Variants in OR1D2 observed in about 807,000 individuals in gnomAD.
OR1D2 encodes olfactory receptor 1D2.
For missense variants in OR1D2, 357 were observed against 376.1 expected (o/e 0.95, Z 0.42); for synonymous variants, 157 against 153.9 (o/e 1.02, Z -0.15).
intron 1 of OR1D2, 68 bp from the exon 2 acceptor site, chr17:3,093,114 C>A (rs2047826084): frequency 1.1e-6 from 1 of 922,390 alleles, no homozygotes; most frequent in Non-Finnish European, 1.6e-6. Flanking sequence ...TGTCTTACAC[C>A]CAATTTTATA....
intron 1 of OR1D2, among the ~76,000 whole-genome samples, chr17:3,103,250 T>C (rs947778671): frequency 6.6e-5 from 10 of 152,088 alleles, no homozygotes; most frequent in African/African-American, 2.4e-4. Flanking sequence ...TTCTTTTCCT[T>C]TCTTTTTTTT....
In OR1D2 at chr17:3,092,517, G is replaced by C. The variant is rs758870644; in HGVS notation, c.480C>G (p.Thr160=). Residue 160 remains threonine, a synonymous_variant, in exon 2 of 2, where the codon ACC becomes ACG. Coordinates refer to ENST00000641833, the MANE Select transcript of OR1D2 (RefSeq NM_002548.3). The stretch of plus-strand genomic sequence containing the variant: ...AGAAGGTCACTCTGGTCATGAGGAG[G>C]GTGTGTATGAGGCCATAGAGGACGG... ...VLSVLYGLIH[T]LLMTRVTFCG... is the part of the protein sequence containing the mutation. 5.0e-6 allele frequency: 8 copies of C among 1,614,150 alleles called. No homozygotes were observed. The highest frequency in any genetic ancestry group is 1.7e-5 in the Admixed American group (1 of 60,022).
rs989008271 is a variant in OR1D2 at position 3,091,254 on chromosome 17, C to T, written c.*804G>A. ...TCTTGTTGACATCACTCCTTTCACCCGTTTTGAAATATCTTTTACCTGATG... is the reference window on the plus strand; with the variant it reads ...TCTTGTTGACATCACTCCTTTCACCTGTTTTGAAATATCTTTTACCTGATG... On this transcript the variant is annotated 3_prime_UTR_variant, in exon 2 of 2. Coordinates refer to ENST00000641833, the MANE Select transcript of OR1D2 (RefSeq NM_002548.3). 3 of 152,062 alleles carry T rather than the reference C, an allele frequency of 2.0e-5. No homozygotes were observed. The highest frequency in any genetic ancestry group is 2.9e-5 in the Non-Finnish European group (2 of 68,030). 9.4% of individuals were successfully genotyped at this position (152,062 alleles called of 1,614,324 possible).
Position 3,090,518 on chromosome 17 carries a change from G to T in OR1D2, c.*1540C>A, listed in dbSNP as rs181209248. The T allele has an allele frequency of 6.6e-6, 1 of 152,180 alleles. No homozygotes were observed. The highest frequency in any genetic ancestry group is 1.5e-5 in the Non-Finnish European group (1 of 68,034). 9.4% of individuals were successfully genotyped at this position (152,180 alleles called of 1,614,324 possible). On this transcript the variant is annotated 3_prime_UTR_variant, in exon 2 of 2. Coordinates refer to ENST00000641833, the MANE Select transcript of OR1D2 (RefSeq NM_002548.3). ...CTTTGCTAAGTTTCCTTGATTCCTT[G>T]TGTTTCCTGTAGCTTCACATTTGTG...
At chr17:3,103,833 A>G (rs1040363986) in intron 1 of OR1D2, among the ~76,000 whole-genome samples, 2 of 152,106 alleles carry the variant, frequency 1.3e-5, no homozygotes, top group African/African-American at 4.8e-5. Context: ...CGACCTGCCT[A>G]AATCCCCTCT....
intron 1 of OR1D2, 76 bp from the exon 2 acceptor site, chr17:3,093,122 A>G: frequency 1.1e-6 from 1 of 880,396 alleles, no homozygotes; most frequent in Non-Finnish European, 1.7e-6. Flanking sequence ...ACCCAATTTT[A>G]TAATTTTTGA....
rs2047807744 is a variant in OR1D2, at chr17:3,091,478, T to A, written c.*580A>T. On this transcript the variant is annotated 3_prime_UTR_variant, in exon 2 of 2. Transcript: ENST00000641833. ...AGGTCCATTTATGTTTAATGTAAAT[T>A]TATGTACTTCCCCGAGTAGACTGTG... 2 of 152,740 alleles carry A rather than the reference T, an allele frequency of 1.3e-5. No homozygotes were observed. Among genetic ancestry groups the A allele is most frequent in the African/African-American group, 4.8e-5 (2 of 41,590 alleles). 9.5% of individuals were successfully genotyped at this position (152,740 alleles called of 1,614,324 possible).
intron 1 of OR1D2, among the ~76,000 whole-genome samples, chr17:3,096,872 A>G (rs1024769827): frequency 6.6e-6 from 1 of 152,228 alleles, no homozygotes; most frequent in African/African-American, 2.4e-5. Context: ...CGCCTAACAG[A>G]TGTCTATGTA....
intron 1 of OR1D2, 140 bp from the exon 2 acceptor site, chr17:3,093,186 C>A: frequency 1.6e-6 from 1 of 620,428 alleles, no homozygotes; most frequent in East Asian, 2.8e-5. Flanking sequence ...ATTATTTCAG[C>A]TACTTCAAAG....
Position 3,091,024 on chromosome 17 carries a change from G to C in OR1D2, c.*1034C>G, listed in dbSNP as rs1303503011. 6.6e-6 allele frequency: 1 copy of C among 152,122 alleles called. No homozygotes were observed. The highest frequency in any genetic ancestry group is 1.5e-5 in the Non-Finnish European group (1 of 68,022). The allele number at this position is 152,122 out of a possible 1,614,324, so 9.4% of individuals were successfully genotyped here. A position where few individuals can be genotyped will look rare whatever the true frequency, so the allele number is the denominator to read the frequency against. ...TCTCTCTTTGTGCTACTCTGTGCTG[G>C]CTTGGGTGAGGGGTGATTCAGGTAA... On this transcript the variant is annotated 3_prime_UTR_variant, in exon 2 of 2. Transcript: ENST00000641833.
chr17:3,099,131 C>G (rs932443441), intron 1 of OR1D2, among the ~76,000 whole-genome samples: 1 of 149,644 alleles, frequency 6.7e-6, no homozygotes, highest in African/African-American at 2.5e-5. Context: ...GAGAACTTCC[C>G]CAACTAGCAA....
chr17:3,095,835 G>T (rs1397559707), intron 1 of OR1D2, among the ~76,000 whole-genome samples: 3 of 152,026 alleles, frequency 2.0e-5, no homozygotes. Flanking sequence ...GCATAAAGGA[G>T]CTGGGTGGAG....
chr17:3,102,623 G>C (rs1326293354), intron 1 of OR1D2, among the ~76,000 whole-genome samples: 1 of 152,088 alleles, frequency 6.6e-6, no homozygotes, highest in East Asian at 1.9e-4. Flanking sequence ...GACACATTGG[G>C]ATTTGAGCCC....
chr17:3,092,259 A>T lies in OR1D2; in HGVS notation c.738T>A (p.Gly246=), dbSNP rs2047815058. 4 of 1,614,172 alleles carry T rather than the reference A, an allele frequency of 2.5e-6. No homozygotes were observed. The highest frequency in any genetic ancestry group is 3.4e-6 in the Non-Finnish European group (4 of 1,180,030). ...KAFSTCASHL[G]AVSLFYGTLC... is the part of the protein sequence containing the mutation. ...GTGTCCCATAGAAGAGGGAGACTGC[A>T]CCCAAATGGGAGGCACAGGTGGAGA... The change falls in exon 2 of 2, where the codon GGT becomes GGA. Residue 246 remains glycine, a synonymous_variant. Transcript: ENST00000641833.
chr17:3,096,429 T>C (rs942046546), intron 1 of OR1D2, among the ~76,000 whole-genome samples: 4 of 152,206 alleles, frequency 2.6e-5, no homozygotes, highest in African/African-American at 4.8e-5. Context: ...ACGGAATGGC[T>C]GTACTTTAGC....
chr17:3,100,924 G>A (rs973759869), intron 1 of OR1D2, among the ~76,000 whole-genome samples: 7 of 152,142 alleles, frequency 4.6e-5, no homozygotes, highest in Non-Finnish European at 1.0e-4. Flanking sequence ...AAATCTAGAA[G>A]AAATGAATAA....
At chr17:3,103,074 C>T (rs554936391) in intron 1 of OR1D2, among the ~76,000 whole-genome samples, 2 of 152,222 alleles carry the variant, frequency 1.3e-5, no homozygotes, top group East Asian at 3.9e-4. Context: ...TCCCACATCA[C>T]AAATGACTTC....
chr17:3,088,954 C>T lies in OR1D2; in HGVS notation c.*3104G>A, dbSNP rs1235407815. On this transcript the variant is annotated 3_prime_UTR_variant, in exon 2 of 2. Coordinates refer to ENST00000641833, the MANE Select transcript of OR1D2 (RefSeq NM_002548.3). ...GGGCACCTCCTTGATTAGCTTAATA[C>T]TCAACTTTCTGAATTCTTTTTCTGG... 1 of 151,430 alleles carries T rather than the reference C, an allele frequency of 6.6e-6. No individual in the cohort carries two copies. Among genetic ancestry groups the T allele is most frequent in the African/African-American group, 2.4e-5 (1 of 41,128 alleles). 9.4% of individuals were successfully genotyped at this position (151,430 alleles called of 1,614,324 possible). A position where few individuals can be genotyped will look rare whatever the true frequency, so the allele number is the denominator to read the frequency against.
At position 3,089,660 on chromosome 17, in the gene OR1D2, TG is replaced by T. The variant is rs2047794830; in HGVS notation, c.*2397del. 6.6e-6 allele frequency: 1 copy of T among 152,200 alleles called. No individual in the cohort carries two copies. Among genetic ancestry groups the T allele is most frequent in the Non-Finnish European group, 1.5e-5 (1 of 68,090 alleles). The allele number at this position is 152,200 out of a possible 1,614,324, so 9.4% of individuals were successfully genotyped here. ...GGTGCGTAGAGAAAGACCATTAGGT[TG>T]GGGCAGGGTTAGGCATGTGTGAGCT... On this transcript the variant is annotated 3_prime_UTR_variant, in exon 2 of 2. Transcript: ENST00000641833.
Sources: allele counts gnomAD v4.1 joint callset (sites outside exome capture counted in the v4.1 genomes callset), GRCh38; gene constraint gnomAD v4.1.1; transcripts MANE v1.5; gene names NCBI Gene and HGNC (gene_info 2026-07-23, HGNC 2026-07-21).